Variants in CSMD1 observed in about 807,000 individuals in gnomAD.
CSMD1 encodes CUB and Sushi multiple domains 1, also known as CUB and sushi domain-containing protein 1.
Under a neutral mutation model 417.5 loss-of-function variants are expected in CSMD1, and 213 were observed. The ratio of observed to expected loss-of-function variants is 0.51; its 90% CI spans 0.46 to 0.57. The LOEUF is 0.57. CSMD1 is among the 20% of genes least tolerant of loss of function. The probability of loss-of-function intolerance (pLI) is 0.00; values close to 1 mark genes in which losing one functional copy is unlikely to be tolerated. For synonymous variants in CSMD1, 2,862 were observed against 1,736.8 expected, an observed-to-expected ratio of 1.65 and a Z score of -16.11; for missense variants, 6,923 against 4,529.7, an observed-to-expected ratio of 1.53 and a Z score of -15.17.
intron 1 of CSMD1, among the ~76,000 whole-genome samples, chr8:4,717,387 A>T (rs1051767612): frequency 7.3e-6 from 1 of 137,046 alleles, no homozygotes; most frequent in Non-Finnish European, 1.5e-5. Flanking sequence ...ACACACACAT[A>T]TACATACATA....
intron 7 of CSMD1, among the ~76,000 whole-genome samples, chr8:3,689,091 T>A (rs180967408): frequency 6.6e-6 from 1 of 152,184 alleles, no homozygotes; most frequent in Non-Finnish European, 1.5e-5. Flanking sequence ...CAACTCATCA[T>A]AAAATGAGAA....
intron 10 of CSMD1, among the ~76,000 whole-genome samples, chr8:3,539,824 G>T (rs999832362): frequency 1.3e-5 from 2 of 151,030 alleles, no homozygotes; most frequent in South Asian, 4.2e-4. Flanking sequence ...AACTCTAGAC[G>T]TGTTAAGGTG....
chr8:3,193,948 T>C (rs983781), intron 33 of CSMD1, among the ~76,000 whole-genome samples: 2 of 152,024 alleles, frequency 1.3e-5, no homozygotes, highest in Non-Finnish European at 2.9e-5. Context: ...ACAACAATCA[T>C]AAAATAAATC....
chr8:3,371,477 CT>C (rs11443729), intron 18 of CSMD1, among the ~76,000 whole-genome samples: 19,331 of 146,706 alleles, frequency 0.13, 1,262 homozygotes, highest in Middle Eastern at 0.19. Context: ...GGTTCCTTTG[CT>C]TTTTTTTTTT....
At chr8:3,788,047 C>G (rs1799542936) in intron 5 of CSMD1, among the ~76,000 whole-genome samples, 1 of 152,180 alleles carries the variant, frequency 6.6e-6, no homozygotes, top group South Asian at 2.1e-4. Context: ...ACCTCACACA[C>G]TGGCTCAAAA....
At position 3,077,553 on chromosome 8, in the gene CSMD1, C is replaced by T. The variant is rs1218803366; in HGVS notation, c.7474+9544G>A. ...CTGGCAGGTCCAGCCACCTCCAGAACGTAGTAGTCACTTCCTTTGAATTGT... is the reference window on the plus strand; with the variant it reads ...CTGGCAGGTCCAGCCACCTCCAGAATGTAGTAGTCACTTCCTTTGAATTGT... On this transcript the variant is annotated intron_variant, in intron 49 of 69. Transcript: ENST00000635120. Among the ~76,000 whole-genome samples, 8 of 152,220 alleles carry T rather than the reference C, an allele frequency of 5.3e-5. No individual in the cohort carries two copies. In the East Asian group the frequency reaches 7.7e-4, roughly 15 times the overall value.
At chr8:4,404,094 A>G (rs544146527) in intron 3 of CSMD1, among the ~76,000 whole-genome samples, 1 of 152,290 alleles carries the variant, frequency 6.6e-6, no homozygotes, top group Admixed American at 6.5e-5. Context: ...TTACTGCTTT[A>G]GGGAATGGTA....
intron 7 of CSMD1, among the ~76,000 whole-genome samples, chr8:3,663,661 G>C (rs930943051): frequency 1.3e-5 from 2 of 152,082 alleles, no homozygotes; most frequent in African/African-American, 4.8e-5. Flanking sequence ...GCAATCATTT[G>C]CCTCTTTTCT....
At chr8:4,393,255 C>T (rs553337319) in intron 3 of CSMD1, among the ~76,000 whole-genome samples, 26 of 152,214 alleles carry the variant, frequency 1.7e-4, no homozygotes, top group African/African-American at 5.8e-4. Context: ...GGATTACAGG[C>T]GTGAGCCACC....
intron 3 of CSMD1, among the ~76,000 whole-genome samples, chr8:4,064,028 C>A (rs936032926): frequency 5.9e-5 from 9 of 152,184 alleles, no homozygotes; most frequent in African/African-American, 1.9e-4. Context: ...AGATGCTCAA[C>A]TGACACCAGC....
chr8:3,694,229 C>T (rs1800420430), intron 7 of CSMD1, among the ~76,000 whole-genome samples: 1 of 151,996 alleles, frequency 6.6e-6, no homozygotes, highest in Admixed American at 6.6e-5. Context: ...CCCAGGGAGG[C>T]CATAGCTCTG....
chr8:4,780,567 T>A (rs1182342530), intron 1 of CSMD1, among the ~76,000 whole-genome samples: 1 of 149,882 alleles, frequency 6.7e-6, no homozygotes, highest in African/African-American at 2.4e-5. Context: ...TTATTATTAT[T>A]TATATTTATT....
intron 59 of CSMD1, among the ~76,000 whole-genome samples, chr8:2,964,247 T>G (rs1227124785): frequency 1.3e-5 from 2 of 152,228 alleles, no homozygotes; most frequent in African/African-American, 2.4e-5. Flanking sequence ...GAGAAAGACA[T>G]GCCAACACAC....
intron 12 of CSMD1, among the ~76,000 whole-genome samples, chr8:3,462,757 A>T (rs77468771): frequency 0.055 from 8,427 of 151,944 alleles, 361 homozygotes; most frequent in East Asian, 0.15. Flanking sequence ...AAAACTGTCT[A>T]CCTTAAAACC....
chr8:4,033,700 T>G (rs1031347783), intron 3 of CSMD1, among the ~76,000 whole-genome samples: 1 of 152,202 alleles, frequency 6.6e-6, no homozygotes, highest in Non-Finnish European at 1.5e-5. Flanking sequence ...TCTTCAAATA[T>G]TTTACACAGT....
At chr8:4,512,951 G>C (rs1321243478) in intron 2 of CSMD1, among the ~76,000 whole-genome samples, 1 of 152,052 alleles carries the variant, frequency 6.6e-6, no homozygotes, top group Non-Finnish European at 1.5e-5. Context: ...TTTCGAAACA[G>C]CAAAATTAGG....
chr8:4,415,471 C>A (rs570974958), intron 3 of CSMD1, among the ~76,000 whole-genome samples: 20 of 152,178 alleles, frequency 1.3e-4, no homozygotes, highest in African/African-American at 4.6e-4. Flanking sequence ...TGAGCCCACT[C>A]TGTGATGGCC....
At chr8:3,156,986 C>CA (rs869173951) in intron 39 of CSMD1, among the ~76,000 whole-genome samples, 12,844 of 64,478 alleles carry the variant, frequency 0.2, 1,077 homozygotes, top group African/African-American at 0.25. Flanking sequence ...GTTGTTTAGA[C>CA]AAAAAAAAAA....
At chr8:3,912,039 T>G (rs1323668520) in intron 5 of CSMD1, among the ~76,000 whole-genome samples, 4 of 152,222 alleles carry the variant, frequency 2.6e-5, no homozygotes, top group African/African-American at 9.6e-5. Flanking sequence ...ATGGAGTATA[T>G]TTTCTTTAAC....
Sources: gnomAD v4.1 joint callset for allele counts (sites outside exome capture counted in the v4.1 genomes callset) on GRCh38, gnomAD v4.1.1 for gene constraint, MANE v1.5 for transcripts, NCBI Gene and HGNC (gene_info 2026-07-23, HGNC 2026-07-21) for gene names.